CDC42BPA: variants seen among roughly 807,000 people sequenced by gnomAD.
The protein encoded by CDC42BPA is CDC42 binding protein kinase alpha.
A neutral mutation model predicts 223.5 loss-of-function variants in CDC42BPA; 80 were observed. The ratio of observed to expected loss-of-function variants is 0.36; its 90% CI spans 0.30 to 0.43. The LOEUF (loss-of-function observed/expected upper bound fraction) is 0.43, where lower values mean the gene tolerates loss of function less well. Among genes scored for constraint, CDC42BPA ranks in the 20% least tolerant of loss-of-function variants. The pLI is 1.00. For synonymous variants in CDC42BPA, 694 were observed against 718.6 expected (o/e 0.97, Z 0.55); for missense variants, 1,743 against 2,099.9 (o/e 0.83, Z 3.32).
rs1660804393 is a variant in CDC42BPA at position 226,992,013 on chromosome 1, TGGGGAGAGTGAGGAGG to T, written c.*2239_*2254del. On this transcript the variant is annotated 3_prime_UTR_variant, in exon 37 of 37. Coordinates refer to ENST00000366766, the MANE Select transcript of CDC42BPA (RefSeq NM_001394014.1). The stretch of plus-strand genomic sequence containing the variant: ...GAGTGAGGAGGAGAGGAGGGGAGGG[TGGGGAGAGTGAGGAGG>T]GTGGGGAGAGTGAGGAGGGTGGGGA... The T allele has an allele frequency of 1.7e-3, 1 of 572 alleles. No individual in the cohort carries two copies. The highest frequency in any genetic ancestry group is 8.8e-3 in the African/African-American group (1 of 114). 0.0% of individuals were successfully genotyped at this position (572 alleles called of 1,614,324 possible). A position where few individuals can be genotyped will look rare whatever the true frequency, so the allele number is the denominator to read the frequency against.
At chr1:227,097,485 C>T (rs558659232) in intron 15 of CDC42BPA, among the ~76,000 whole-genome samples, 1 of 152,278 alleles carries the variant, frequency 6.6e-6, no homozygotes, top group African/African-American at 2.4e-5. Context: ...GACAGGAGGA[C>T]ACCCCCAACC....
At chr1:227,181,807 T>C (rs1667986067) in intron 5 of CDC42BPA, among the ~76,000 whole-genome samples, 1 of 152,164 alleles carries the variant, frequency 6.6e-6, no homozygotes, top group African/African-American at 2.4e-5. Flanking sequence ...GGCACAACTA[T>C]GAAGTAGAAG....
chr1:227,297,020 T>C (rs1463209331), intron 1 of CDC42BPA, among the ~76,000 whole-genome samples: 1 of 152,192 alleles, frequency 6.6e-6, no homozygotes, highest in African/African-American at 2.4e-5. Context: ...GGCGAGACTA[T>C]GCATATGGGG....
intron 1 of CDC42BPA, among the ~76,000 whole-genome samples, chr1:227,307,334 G>A (rs1469436855): frequency 6.6e-6 from 1 of 152,134 alleles, no homozygotes; most frequent in Non-Finnish European, 1.5e-5. Context: ...TTTGGAAATT[G>A]ATATAAATTG....
rs987625991 is a variant in CDC42BPA at position 227,118,246 on chromosome 1, T to C, written c.1647+1558A>G. ...TCAATCAAAAAATGGGCAAAGGACC[T>C]CAGTGGACATTTCTCTAAGACGACA... On this transcript the variant is annotated intron_variant, in intron 12 of 36. Transcript: ENST00000366766. Among the ~76,000 whole-genome samples the C allele has an allele frequency of 1.3e-4, 20 of 152,262 alleles. 1 individual carries two copies. Among genetic ancestry groups the C allele is most frequent in the Middle Eastern group, 3.4e-3 (1 of 294 alleles).
chr1:227,034,422 C>T (rs1485134096), intron 26 of CDC42BPA, among the ~76,000 whole-genome samples: 2 of 152,154 alleles, frequency 1.3e-5, no homozygotes, highest in African/African-American at 4.8e-5. Context: ...CTTTGGGACA[C>T]CAACTTCTTT....
intron 2 of CDC42BPA, among the ~76,000 whole-genome samples, chr1:227,232,668 G>T (rs1463714218): frequency 6.6e-6 from 1 of 152,218 alleles, no homozygotes; most frequent in Non-Finnish European, 1.5e-5. Context: ...GTTGGAGTTT[G>T]CTGGAGGTCC....
intron 8 of CDC42BPA, among the ~76,000 whole-genome samples, chr1:227,145,015 C>T (rs889922631): frequency 3.9e-5 from 6 of 152,072 alleles, no homozygotes; most frequent in Non-Finnish European, 5.9e-5. Flanking sequence ...TGGGGATGGA[C>T]GTGTGTGGTA....
chr1:227,297,828 C>T (rs1690906464), intron 1 of CDC42BPA, among the ~76,000 whole-genome samples: 1 of 151,292 alleles, frequency 6.6e-6, no homozygotes, highest in South Asian at 2.1e-4. Flanking sequence ...AGAGCTTCTG[C>T]TTGAGGTGAT....
At position 227,271,535 on chromosome 1, in the gene CDC42BPA, G is replaced by T. The variant is rs549474106; in HGVS notation, c.179-17380C>A. Among the ~76,000 whole-genome samples the T allele has an allele frequency of 4.6e-5, 7 of 151,872 alleles. No homozygotes were observed. In the South Asian group the frequency reaches 1.5e-3, roughly 32 times the overall value. ...GAAAAAAAAAAGCAGTGGGGAGAACGATACAAATGACTCTGATGGCTGATA... is the reference window on the plus strand; with the variant it reads ...GAAAAAAAAAAGCAGTGGGGAGAACTATACAAATGACTCTGATGGCTGATA... On this transcript the variant is annotated intron_variant, in intron 1 of 36. Transcript: ENST00000366766.
intron 11 of CDC42BPA, among the ~76,000 whole-genome samples, chr1:227,121,542 G>C (rs1688666845): frequency 6.6e-6 from 1 of 152,142 alleles, no homozygotes; most frequent in Non-Finnish European, 1.5e-5. Context: ...AAGATGTAAA[G>C]TTGTATTAAC....
intron 2 of CDC42BPA, among the ~76,000 whole-genome samples, chr1:227,244,130 C>T (rs541249968): frequency 1.6e-4 from 24 of 152,146 alleles, no homozygotes; most frequent in African/African-American, 4.6e-4. Context: ...GCATTATCTG[C>T]TAAAGCTAAA....
chr1:227,297,710 T>C (rs1690883021), intron 1 of CDC42BPA, among the ~76,000 whole-genome samples: 1 of 151,992 alleles, frequency 6.6e-6, no homozygotes, highest in Non-Finnish European at 1.5e-5. Flanking sequence ...TGATTCCACT[T>C]ATACAAAATA....
At chr1:227,008,376 T>C (rs566731593) in intron 34 of CDC42BPA, among the ~76,000 whole-genome samples, 1 of 152,344 alleles carries the variant, frequency 6.6e-6, no homozygotes, top group African/African-American at 2.4e-5. Flanking sequence ...TATAATATGG[T>C]ATAGATTAAA....
rs190446902 is a variant in CDC42BPA, at chr1:226,993,760, G to A, written c.*508C>T. On this transcript the variant is annotated 3_prime_UTR_variant, in exon 37 of 37. Transcript: ENST00000366766. ...TAAACTCTGTACTGTAGTAAAATATGCATTGTTTTAATTCATAAGGATTTC... is the reference window on the plus strand; with the variant it reads ...TAAACTCTGTACTGTAGTAAAATATACATTGTTTTAATTCATAAGGATTTC... 2.1e-4 allele frequency: 33 copies of A among 154,486 alleles called. No individual in the cohort carries two copies. Among genetic ancestry groups the A allele is most frequent in the African/African-American group, 7.5e-4 (31 of 41,532 alleles). The allele number at this position is 154,486 out of a possible 1,614,324, so 9.6% of individuals were successfully genotyped here.
In CDC42BPA at chr1:227,220,311, TACACAC is replaced by T. The variant is rs58845901; in HGVS notation, c.271-7098_271-7093del. On this transcript the variant is annotated intron_variant, in intron 2 of 36. Coordinates refer to ENST00000366766, the MANE Select transcript of CDC42BPA (RefSeq NM_001394014.1). ...ATATATATATATATATATATATATA[TACACAC>T]ACACACACACATACATATATGGATA... Among the ~76,000 whole-genome samples, 37 of 49,526 alleles carry T rather than the reference TACACAC, an allele frequency of 7.5e-4. No homozygotes were observed. The East Asian group carries it at 0.01, about 14-fold the overall frequency. The allele number at this position is 49,526 out of a possible 152,430, so 32.5% of individuals were successfully genotyped here.
At chr1:227,153,144 G>C (rs1662102984) in intron 6 of CDC42BPA, among the ~76,000 whole-genome samples, 2 of 151,514 alleles carry the variant, frequency 1.3e-5, no homozygotes, top group Non-Finnish European at 3.0e-5. Context: ...AAATAGATCA[G>C]AGAAATAAAA....
At chr1:227,200,096 T>C (rs1298429942) in intron 3 of CDC42BPA, among the ~76,000 whole-genome samples, 2 of 151,198 alleles carry the variant, frequency 1.3e-5, no homozygotes, top group East Asian at 3.9e-4. Flanking sequence ...TATGACTTGA[T>C]CACACATGTA....
intron 1 of CDC42BPA, among the ~76,000 whole-genome samples, chr1:227,309,448 C>G (rs1693142494): frequency 6.6e-6 from 1 of 152,140 alleles, no homozygotes; most frequent in Non-Finnish European, 1.5e-5. Flanking sequence ...TAAATAGTTG[C>G]TGGCACTAGA....
Sources: gnomAD v4.1 joint callset for allele counts (sites outside exome capture counted in the v4.1 genomes callset) on GRCh38, gnomAD v4.1.1 for gene constraint, MANE v1.5 for transcripts, NCBI Gene and HGNC (gene_info 2026-07-23, HGNC 2026-07-21) for gene names.